Variants in CDK18 observed in about 807,000 individuals in gnomAD.
CDK18 encodes the protein cyclin-dependent kinase 18.
CDK18 carries 52 observed loss-of-function variants against 62.0 expected under a neutral mutation model. The observed-to-expected ratio is 0.84, with a 90% CI of 0.67 to 1.06. CDK18 has a LOEUF of 1.06. Among genes scored for constraint, CDK18 ranks in the 50% least tolerant of loss-of-function variants. The probability of loss-of-function intolerance (pLI) is 0.00; values close to 1 mark genes in which losing one functional copy is unlikely to be tolerated. For missense variants in CDK18, 604 were observed against 619.9 expected, an observed-to-expected ratio of 0.97 and a Z score of 0.27; for synonymous variants, 237 against 247.0, an observed-to-expected ratio of 0.96 and a Z score of 0.38.
intron 13 of CDK18, 190 bp from the exon 14 acceptor site, chr1:205,530,069 G>C: frequency 2.8e-6 from 4 of 1,428,722 alleles, no homozygotes; most frequent in Non-Finnish European, 3.7e-6. Context: ...TGGAGACCGA[G>C]GAGCCTTCCC....
chr1:205,526,682 T>C, intron 7 of CDK18, 93 bp from the exon 8 acceptor site: 3 of 1,282,980 alleles, frequency 2.3e-6, no homozygotes, highest in Non-Finnish European at 3.4e-6. Flanking sequence ...GCGTGGGCCC[T>C]TCCCAGGGAG....
Position 205,526,470 on chromosome 1 carries a change from C to T in CDK18, c.666+9C>T. ...TGGTGTTTGAGTACCTGGTGAGAGTCCGGCTGGGGCTGGCCGCCTCTCCCT... is the reference window on the plus strand; with the variant it reads ...TGGTGTTTGAGTACCTGGTGAGAGTTCGGCTGGGGCTGGCCGCCTCTCCCT... On this transcript the variant is annotated intron_variant, in intron 7 of 15. Transcript: ENST00000429964. 6.2e-7 allele frequency: 1 copy of T among 1,605,488 alleles called. No homozygotes were observed. The highest frequency in any genetic ancestry group is 2.2e-5 in the East Asian group (1 of 44,836).
intron 7 of CDK18, 70 bp from the exon 8 acceptor site, chr1:205,526,705 C>T: frequency 6.9e-7 from 1 of 1,450,366 alleles, no homozygotes; most frequent in East Asian, 2.3e-5. Flanking sequence ...GCTTCCTCTC[C>T]TCAGCCTGTG....
At chr1:205,509,132 A>C (rs1056810576) in intron 1 of CDK18, among the ~76,000 whole-genome samples, 2 of 152,048 alleles carry the variant, frequency 1.3e-5, no homozygotes, top group Non-Finnish European at 2.9e-5. Flanking sequence ...CTGGGCGAGA[A>C]ACAAAACAAA....
chr1:205,519,971 G>A (rs559607727), intron 1 of CDK18, among the ~76,000 whole-genome samples: 8 of 152,262 alleles, frequency 5.3e-5, no homozygotes, highest in African/African-American at 1.9e-4. Context: ...TTAGAAAGGG[G>A]TGTGGCTGGT....
rs1168353989 is a variant in CDK18 at position 205,524,328 on chromosome 1, C to A, written c.370C>A (p.Leu124Ile). Reference protein sequence around the residue: ...QMESPDLPKPLSRMSRRASLS... With the variant: ...QMESPDLPKPISRMSRRASLS... ...GGAGAGCCCAGATCTGCCCAAGCCG[C>A]TCAGCCGCATGTCCCGCCGGGCCTC... Residue 124 changes from leucine to isoleucine, a missense_variant, in exon 4 of 16, where the codon CTC becomes ATC. Physicochemically the swap from Leu to Ile is conservative, Grantham distance 5. Transcript: ENST00000429964. 1 of 1,614,084 alleles carries A rather than the reference C, an allele frequency of 6.2e-7. No individual in the cohort carries two copies. The highest frequency in any genetic ancestry group is 1.7e-5 in the Admixed American group (1 of 60,006).
chr1:205,512,493 A>G (rs1283761908), intron 1 of CDK18, among the ~76,000 whole-genome samples: 2 of 152,236 alleles, frequency 1.3e-5, no homozygotes, highest in Non-Finnish European at 2.9e-5. Context: ...AGACATTTAG[A>G]GAACAGTTGA....
At chr1:205,513,996 T>C (rs16855698) in intron 1 of CDK18, among the ~76,000 whole-genome samples, 16,037 of 152,298 alleles carry the variant, frequency 0.11, 1,330 homozygotes, top group Admixed American at 0.28. Flanking sequence ...CCAGCTTTCA[T>C]ATTTCATTTG....
At chr1:205,515,404 C>G (rs879710626) in intron 1 of CDK18, among the ~76,000 whole-genome samples, 1 of 151,976 alleles carries the variant, frequency 6.6e-6, no homozygotes, top group Non-Finnish European at 1.5e-5. Flanking sequence ...CTTGAACTCC[C>G]GACCTCAGGT....
chr1:205,529,698 A>T (rs1315557638), intron 13 of CDK18, 135 bp downstream of exon 13: 33 of 1,548,522 alleles, frequency 2.1e-5, no homozygotes, highest in Non-Finnish European at 2.7e-5. Context: ...TGTACTCTCC[A>T]CCCCCAAGGC....
intron 1 of CDK18, among the ~76,000 whole-genome samples, chr1:205,520,699 C>CAAAAAAA (rs11333790): frequency 7.4e-6 from 1 of 135,712 alleles, no homozygotes. Context: ...GACTCTATCT[C>CAAAAAAA]AAAAAAAAAA....
intron 1 of CDK18, among the ~76,000 whole-genome samples, chr1:205,518,836 G>C (rs781560732): frequency 2.0e-5 from 3 of 152,208 alleles, no homozygotes; most frequent in Non-Finnish European, 4.4e-5. Flanking sequence ...ACCAGCAGGA[G>C]GTTCTGGGCC....
At chr1:205,514,133 G>C (rs550926128) in intron 1 of CDK18, among the ~76,000 whole-genome samples, 2 of 152,374 alleles carry the variant, frequency 1.3e-5, no homozygotes, top group East Asian at 3.8e-4. Context: ...CAAGTAAACA[G>C]TTACAGGACA....
Position 205,529,003 on chromosome 1 carries a change from G to C in CDK18, c.979G>C (p.Val327Leu). The C allele has an allele frequency of 6.3e-7, 1 of 1,581,086 alleles. No individual in the cohort carries two copies. Among genetic ancestry groups the C allele is most frequent in the Non-Finnish European group, 8.6e-7 (1 of 1,163,646 alleles). The part of the protein sequence containing the change: ...EYSTPIDMWG[V>L]GCIHYEMATG... Reference sequence around the variant, plus strand: ...CCTACCCCTTGCTCCTCGCAGGGGCGTGGGCTGCATCCACTACGAGATGGC... The same window carrying C: ...CCTACCCCTTGCTCCTCGCAGGGGCCTGGGCTGCATCCACTACGAGATGGC... The change falls in exon 11 of 16, where the codon GTG becomes CTG. Residue 327 changes from valine (V) to leucine (L), a missense_variant. By Grantham distance (32) the Val-to-Leu change is conservative. Coordinates refer to ENST00000429964, the MANE Select transcript of CDK18 (RefSeq NM_212502.3).
Position 205,526,053 on chromosome 1 carries a change from C to G in CDK18, c.457-12C>G. 5 of 1,602,342 alleles carry G rather than the reference C, an allele frequency of 3.1e-6. No individual in the cohort carries two copies. The highest frequency in any genetic ancestry group is 4.3e-6 in the Non-Finnish European group (5 of 1,172,286). Reference sequence around the variant, plus strand: ...TGAATGCGCCTGGGGCCGCTGTGGCCCTCCATCCCAGGGCACCTATGCCAC... The same window carrying G: ...TGAATGCGCCTGGGGCCGCTGTGGCGCTCCATCCCAGGGCACCTATGCCAC... On this transcript the variant is annotated splice_polypyrimidine_tract_variant and intron_variant, in intron 5 of 15. Transcript: ENST00000429964.
At chr1:205,531,309 C>T in intron 15 of CDK18, 35 bp from the exon 16 acceptor site, 27 of 1,612,072 alleles carry the variant, frequency 1.7e-5, no homozygotes, top group Non-Finnish European at 2.2e-5. Flanking sequence ...AGCCCAGCCT[C>T]CTCCCTGCAG....
Position 205,531,499 on chromosome 1 carries a change from G to T in CDK18, c.*121G>T. The T allele has an allele frequency of 1.1e-6, 1 of 920,754 alleles. No individual in the cohort carries two copies. The highest frequency in any genetic ancestry group is 1.8e-6 in the Non-Finnish European group (1 of 564,944). The allele number at this position is 920,754 out of a possible 1,614,324, so 57.0% of individuals were successfully genotyped here. A position where few individuals can be genotyped will look rare whatever the true frequency, so the allele number is the denominator to read the frequency against. On this transcript the variant is annotated 3_prime_UTR_variant, in exon 16 of 16. Coordinates refer to ENST00000429964, the MANE Select transcript of CDK18 (RefSeq NM_212502.3). ...ACGAGGGCTGACAGCCAGCCTGGAAGACCGCTTGGCAGCCCTTCTGGCCAC... is the reference window on the plus strand; with the variant it reads ...ACGAGGGCTGACAGCCAGCCTGGAATACCGCTTGGCAGCCCTTCTGGCCAC...
At position 205,524,334 on chromosome 1, in the gene CDK18, C is replaced by A. The variant is rs142059289; in HGVS notation, c.376C>A (p.Arg126Ser). Reference sequence around the variant, plus strand: ...CCCAGATCTGCCCAAGCCGCTCAGCCGCATGTCCCGCCGGGCCTCCCTGGT... The same window carrying A: ...CCCAGATCTGCCCAAGCCGCTCAGCAGCATGTCCCGCCGGGCCTCCCTGGT... Reference protein sequence around the residue: ...ESPDLPKPLSRMSRRASLSDI... With the variant: ...ESPDLPKPLSSMSRRASLSDI... Residue 126 changes from arginine (R) to serine (S), a missense_variant, in exon 4 of 16, where the codon CGC becomes AGC. Arg to Ser is a moderately radical substitution (Grantham distance 110, BLOSUM62 -1). Transcript: ENST00000429964. The A allele has an allele frequency of 7.4e-5, 119 of 1,614,066 alleles. 1 individual carries two copies. In the South Asian group the frequency reaches 9.6e-4, roughly 13 times the overall value.
chr1:205,529,326 A>AC lies in CDK18; in HGVS notation c.1080dup (p.Thr361HisfsTer13), dbSNP rs759181728. 3.1e-6 allele frequency: 5 copies of AC among 1,612,142 alleles called. No individual in the cohort carries two copies. Among genetic ancestry groups the AC allele is most frequent in the Admixed American group, 3.3e-5 (2 of 59,880 alleles). On this transcript the variant is annotated frameshift_variant, in exon 12 of 16. Transcript: ENST00000429964. LOFTEE classifies it high-confidence loss of function. Reference sequence around the variant, plus strand: ...CCCACCCTCTCTCGTCTCCCCAGGGACCCCCACAGAAGAGACGTGGCCCGG... The same window carrying AC: ...CCCACCCTCTCTCGTCTCCCCAGGGACCCCCCACAGAAGAGACGTGGCCCGG...
Sources: allele counts gnomAD v4.1 joint callset (sites outside exome capture counted in the v4.1 genomes callset), GRCh38; gene constraint gnomAD v4.1.1; transcripts MANE v1.5; gene names NCBI Gene and HGNC (gene_info 2026-07-23, HGNC 2026-07-21).